The following SYT13 variants were observed in gnomAD, a reference collection of about 807,000 sequenced individuals.
SYT13 encodes the protein synaptotagmin-13.
In SYT13, 21 loss-of-function variants were observed where a neutral mutation model predicts 38.6. The observed-to-expected ratio is 0.54, with a 90% CI of 0.39 to 0.78. SYT13 has a LOEUF of 0.78. Ranked by LOEUF, SYT13 falls within the 30% of genes least tolerant of loss-of-function variation. SYT13 has a pLI of 0.00. For missense variants in SYT13, 495 were observed against 548.7 expected (o/e 0.90, Z 0.98); for synonymous variants, 241 against 237.6 (o/e 1.01, Z -0.13).
intron 1 of SYT13, among the ~76,000 whole-genome samples, chr11:45,279,545 C>G (rs961203189): frequency 1.3e-5 from 2 of 152,168 alleles, no homozygotes; most frequent in African/African-American, 4.8e-5. Context: ...CATGACCACG[C>G]CACTGCACTC....
At chr11:45,256,251 C>A (rs1431170676) in intron 1 of SYT13, among the ~76,000 whole-genome samples, 4 of 152,162 alleles carry the variant, frequency 2.6e-5, no homozygotes, top group African/African-American at 9.7e-5. Flanking sequence ...CTCCTCTTCT[C>A]CACCTAATGG....
At chr11:45,264,832 G>T (rs1323302229) in intron 1 of SYT13, among the ~76,000 whole-genome samples, 3 of 152,190 alleles carry the variant, frequency 2.0e-5, no homozygotes, top group African/African-American at 7.2e-5. Context: ...AAATCAAAAA[G>T]ACTGACAACA....
At chr11:45,257,785 G>T (rs1854766888) in intron 1 of SYT13, among the ~76,000 whole-genome samples, 1 of 152,186 alleles carries the variant, frequency 6.6e-6, no homozygotes, top group Non-Finnish European at 1.5e-5. Context: ...AGGGGATGTG[G>T]ATAAGAAGCT....
Position 45,242,396 on chromosome 11 carries a change from C to G in SYT13, c.*1656G>C, listed in dbSNP as rs1191979799. 1 of 152,132 alleles carries G rather than the reference C, an allele frequency of 6.6e-6. No individual in the cohort carries two copies. Among genetic ancestry groups the G allele is most frequent in the East Asian group, 1.9e-4 (1 of 5,180 alleles). 9.4% of individuals were successfully genotyped at this position (152,132 alleles called of 1,614,324 possible). On this transcript the variant is annotated 3_prime_UTR_variant, in exon 6 of 6. Coordinates refer to ENST00000020926, the MANE Select transcript of SYT13 (RefSeq NM_020826.3). ...CCAGCCTGGCCAACATGGTGAAACCCCATCTCTACTAAAAGTACAAAAATT... is the reference window on the plus strand; with the variant it reads ...CCAGCCTGGCCAACATGGTGAAACCGCATCTCTACTAAAAGTACAAAAATT...
At position 45,266,503 on chromosome 11, in the gene SYT13, T is replaced by TACACACACACACACACAC. The variant is rs68112111; in HGVS notation, c.184-10630_184-10613dup. On this transcript the variant is annotated intron_variant, in intron 1 of 5. Transcript: ENST00000020926. ...CATAATCCTTCCACTCCCTCTCAAA[T>TACACACACACACACACAC]ACACACACACACACACACACACACA... is the stretch of plus-strand genomic sequence containing the variant. Among the ~76,000 whole-genome samples the TACACACACACACACACAC allele has an allele frequency of 2.8e-3, 409 of 147,374 alleles. 3 individuals are homozygous for TACACACACACACACACAC. Among genetic ancestry groups the TACACACACACACACACAC allele is most frequent in the African/African-American group, 9.9e-3 (397 of 40,058 alleles).
intron 1 of SYT13, among the ~76,000 whole-genome samples, chr11:45,283,852 T>C (rs1037541125): frequency 1.3e-5 from 2 of 152,248 alleles, no homozygotes; most frequent in African/African-American, 2.4e-5. Context: ...ACCTACTACT[T>C]TCCAGGCACT....
At chr11:45,271,122 C>G (rs1399155970) in intron 1 of SYT13, among the ~76,000 whole-genome samples, 1 of 152,144 alleles carries the variant, frequency 6.6e-6, no homozygotes, top group African/African-American at 2.4e-5. Context: ...GCAGATTCAG[C>G]TAATTGATCG....
intron 3 of SYT13, among the ~76,000 whole-genome samples, chr11:45,253,130 T>C (rs2135890613): frequency 6.6e-6 from 1 of 152,338 alleles, no homozygotes; most frequent in African/African-American, 2.4e-5. Context: ...GGCTCTTACC[T>C]CATGAGTGAG....
chr11:45,284,662 G>A (rs1210472350), intron 1 of SYT13, among the ~76,000 whole-genome samples: 2 of 152,086 alleles, frequency 1.3e-5, no homozygotes, highest in Non-Finnish European at 1.5e-5. Flanking sequence ...GGGAGGGGGC[G>A]GTGCCTGGAG....
At chr11:45,251,304 G>C (rs979436680) in intron 4 of SYT13, among the ~76,000 whole-genome samples, 1 of 142,834 alleles carries the variant, frequency 7.0e-6, no homozygotes, top group Non-Finnish European at 1.5e-5. Context: ...CACGAGAATC[G>C]CTTGAACCCA....
rs188979575 is a variant in SYT13 at position 45,269,294 on chromosome 11, C to T, written c.184-13403G>A. On this transcript the variant is annotated intron_variant, in intron 1 of 5. Coordinates refer to ENST00000020926, the MANE Select transcript of SYT13 (RefSeq NM_020826.3). The stretch of plus-strand genomic sequence containing the variant: ...GTTGCTGCAATCCCAACATTTCTGG[C>T]GGAAACTAAATTTTAAAACAATTAT... 2.8e-3 allele frequency: 1,387 copies of T among 487,732 alleles called. 16 individuals are homozygous for T. Among genetic ancestry groups the T allele is most frequent in the African/African-American group, 0.026 (1,226 of 47,352 alleles). The allele number at this position is 487,732 out of a possible 1,614,324, so 30.2% of individuals were successfully genotyped here. A position where few individuals can be genotyped will look rare whatever the true frequency, so the allele number is the denominator to read the frequency against.
Position 45,243,055 on chromosome 11 carries a change from G to C in SYT13, c.*997C>G, listed in dbSNP as rs1320540043. 1 of 152,120 alleles carries C rather than the reference G, an allele frequency of 6.6e-6. No individual in the cohort carries two copies. The highest frequency in any genetic ancestry group is 6.6e-5 in the Admixed American group (1 of 15,260). 9.4% of individuals were successfully genotyped at this position (152,120 alleles called of 1,614,324 possible). A position where few individuals can be genotyped will look rare whatever the true frequency, so the allele number is the denominator to read the frequency against. ...CTGAAGTGACTGGAACGCTGAGAAG[G>C]GACCGGTCTATCTCAGAGTCACTTT... is the stretch of plus-strand genomic sequence containing the variant. On this transcript the variant is annotated 3_prime_UTR_variant, in exon 6 of 6. Transcript: ENST00000020926.
chr11:45,286,148 G>C lies in SYT13; in HGVS notation c.60C>G (p.Ile20Met). The change falls in exon 1 of 6, where the codon ATC becomes ATG. Residue 20 changes from isoleucine to methionine, a missense_variant. By Grantham distance (10) the Ile-to-Met change is conservative. Coordinates refer to ENST00000020926, the MANE Select transcript of SYT13 (RefSeq NM_020826.3). ...LGATLGTATS[I>M]LALCGVTCLC... ...GGCAGGTGACCCCGCACAACGCGAG[G>C]ATGCTGGTGGCTGTGCCCAGCGTGG... The C allele has an allele frequency of 6.3e-7, 1 of 1,593,038 alleles. No individual in the cohort carries two copies. The highest frequency in any genetic ancestry group is 8.5e-7 in the Non-Finnish European group (1 of 1,172,654).
At chr11:45,274,329 T>C (rs1854984897) in intron 1 of SYT13, among the ~76,000 whole-genome samples, 1 of 152,184 alleles carries the variant, frequency 6.6e-6, no homozygotes, top group Admixed American at 6.5e-5. Flanking sequence ...ATGGAGGCTG[T>C]TTTGCAAAGG....
chr11:45,277,600 A>C (rs956274963), intron 1 of SYT13, among the ~76,000 whole-genome samples: 1 of 151,964 alleles, frequency 6.6e-6, no homozygotes, highest in Admixed American at 6.6e-5. Context: ...CTTCAGCCAC[A>C]CTGGCTTTTC....
At chr11:45,269,747 C>A (rs1041456961) in intron 1 of SYT13, among the ~76,000 whole-genome samples, 1 of 152,192 alleles carries the variant, frequency 6.6e-6, no homozygotes, top group Admixed American at 6.5e-5. Context: ...GTGCTACTAA[C>A]CTGTATACTA....
intron 1 of SYT13, among the ~76,000 whole-genome samples, chr11:45,257,175 C>T (rs1440660969): frequency 2.6e-5 from 4 of 152,188 alleles, no homozygotes; most frequent in Non-Finnish European, 4.4e-5. Context: ...TGCTTGTCAA[C>T]CCTTAAGTAT....
intron 1 of SYT13, among the ~76,000 whole-genome samples, chr11:45,261,470 C>T (rs190617747): frequency 6.6e-6 from 1 of 152,010 alleles, no homozygotes; most frequent in Non-Finnish European, 1.5e-5. Context: ...TGGTGGCAGG[C>T]GCCTGTAATC....
chr11:45,271,639 G>A (rs766364293), intron 1 of SYT13, among the ~76,000 whole-genome samples: 6 of 152,238 alleles, frequency 3.9e-5, no homozygotes, highest in African/African-American at 1.4e-4. Flanking sequence ...CAGTTTGTGA[G>A]TAGGAGAATG....
Sources: gnomAD v4.1 joint callset for allele counts (sites outside exome capture counted in the v4.1 genomes callset) on GRCh38, gnomAD v4.1.1 for gene constraint, MANE v1.5 for transcripts, NCBI Gene and HGNC (gene_info 2026-07-23, HGNC 2026-07-21) for gene names.